LRRTM4: variants seen among roughly 807,000 people sequenced by gnomAD.
LRRTM4 encodes leucine rich repeat transmembrane neuronal 4.
Under a neutral mutation model 47.6 loss-of-function variants are expected in LRRTM4, and 25 were observed. That is an observed-to-expected ratio of 0.53 (90% CI 0.38 to 0.73). The LOEUF is 0.73. Ranked by LOEUF, LRRTM4 falls within the 30% of genes least tolerant of loss-of-function variation. The pLI is 0.00. For missense variants in LRRTM4, 638 were observed against 713.4 expected, an observed-to-expected ratio of 0.89 and a Z score of 1.20; for synonymous variants, 311 against 269.5, an observed-to-expected ratio of 1.15 and a Z score of -1.51.
chr2:77,060,064 C>T (rs10175781), intron 3 of LRRTM4, among the ~76,000 whole-genome samples: 42,015 of 152,080 alleles, frequency 0.28, 8,395 homozygotes, highest in African/African-American at 0.57. Context: ...GTGTGTCACC[C>T]ACGAACTAAG....
intron 3 of LRRTM4, among the ~76,000 whole-genome samples, chr2:76,921,765 T>C (rs1407754453): frequency 6.6e-6 from 1 of 152,114 alleles, no homozygotes; most frequent in East Asian, 1.9e-4. Flanking sequence ...TGGATGTTCT[T>C]ACTTTCTGGA....
chr2:77,315,329 C>T (rs1677588671), intron 3 of LRRTM4, among the ~76,000 whole-genome samples: 1 of 152,014 alleles, frequency 6.6e-6, no homozygotes, highest in African/African-American at 2.4e-5. Context: ...AGTGTTTGTT[C>T]ACAAGGAATA....
chr2:77,278,633 G>T (rs937146353), intron 3 of LRRTM4, among the ~76,000 whole-genome samples: 1 of 151,972 alleles, frequency 6.6e-6, no homozygotes, highest in African/African-American at 2.4e-5. Flanking sequence ...TCAAGGCATG[G>T]TTAAGTTAGA....
chr2:76,895,992 T>C (rs1673405731), intron 3 of LRRTM4, among the ~76,000 whole-genome samples: 1 of 152,086 alleles, frequency 6.6e-6, no homozygotes, highest in Admixed American at 6.6e-5. Context: ...CAGGTTTGTG[T>C]GCTACTGTGT....
At chr2:77,472,483 A>G (rs745489996) in intron 3 of LRRTM4, among the ~76,000 whole-genome samples, 1 of 152,098 alleles carries the variant, frequency 6.6e-6, no homozygotes, top group Admixed American at 6.6e-5. Context: ...CTTATAGAAC[A>G]TAACTACCAT....
intron 3 of LRRTM4, among the ~76,000 whole-genome samples, chr2:77,218,523 T>TTTAA (rs1324253610): frequency 6.6e-6 from 1 of 151,450 alleles, no homozygotes; most frequent in African/African-American, 2.4e-5. Flanking sequence ...TATTTATTTA[T>TTTAA]TTATTTATTT....
chr2:76,837,215 G>A (rs966726506), intron 3 of LRRTM4, among the ~76,000 whole-genome samples: 1 of 151,976 alleles, frequency 6.6e-6, no homozygotes, highest in Non-Finnish European at 1.5e-5. Context: ...TATTTCTGTG[G>A]GATCGGTGGT....
intron 3 of LRRTM4, among the ~76,000 whole-genome samples, chr2:77,167,788 A>T (rs1405071162): frequency 6.6e-6 from 1 of 151,914 alleles, no homozygotes; most frequent in African/African-American, 2.4e-5. Context: ...AACATCACAC[A>T]CTGGGCCTGT....
At chr2:77,506,365 T>A (rs1440391666) in intron 3 of LRRTM4, among the ~76,000 whole-genome samples, 2 of 151,632 alleles carry the variant, frequency 1.3e-5, no homozygotes, top group Admixed American at 6.6e-5. Flanking sequence ...ATACACAGGA[T>A]GAGAAAGGCA....
At chr2:77,362,653 A>G (rs1672286513) in intron 3 of LRRTM4, among the ~76,000 whole-genome samples, 1 of 152,156 alleles carries the variant, frequency 6.6e-6, no homozygotes, top group South Asian at 2.1e-4. Context: ...AAGCCCATCT[A>G]ATGGGAAGTA....
intron 3 of LRRTM4, among the ~76,000 whole-genome samples, chr2:77,114,372 G>A (rs997193301): frequency 3.9e-5 from 6 of 152,106 alleles, no homozygotes; most frequent in Non-Finnish European, 5.9e-5. Flanking sequence ...ATACCTCCTT[G>A]TTTTAACAGG....
At chr2:76,993,834 G>T (rs1176759437) in intron 3 of LRRTM4, among the ~76,000 whole-genome samples, 1 of 151,906 alleles carries the variant, frequency 6.6e-6, no homozygotes, top group African/African-American at 2.4e-5. Flanking sequence ...ATTCACAATA[G>T]GAAAGATATG....
At chr2:76,751,510 CAGAG>C (rs1200931597) in intron 3 of LRRTM4, among the ~76,000 whole-genome samples, 6 of 152,036 alleles carry the variant, frequency 3.9e-5, no homozygotes, top group African/African-American at 9.7e-5. Flanking sequence ...TCTGTGCTGA[CAGAG>C]AGAGCTAGGA....
At chr2:77,271,483 C>T (rs1305775703) in intron 3 of LRRTM4, among the ~76,000 whole-genome samples, 1 of 152,168 alleles carries the variant, frequency 6.6e-6, no homozygotes, top group African/African-American at 2.4e-5. Context: ...ATCCTGCACT[C>T]GCTCACTCAC....
chr2:77,468,964 T>A (rs1172964249), intron 3 of LRRTM4, among the ~76,000 whole-genome samples: 1 of 152,196 alleles, frequency 6.6e-6, no homozygotes, highest in Non-Finnish European at 1.5e-5. Flanking sequence ...TTTTACTACA[T>A]TTGTACTGAA....
At chr2:76,795,556 C>A (rs963096161) in intron 3 of LRRTM4, among the ~76,000 whole-genome samples, 1 of 150,546 alleles carries the variant, frequency 6.6e-6, no homozygotes, top group Non-Finnish European at 1.5e-5. Flanking sequence ...CATGTATATG[C>A]ATATATACAT....
intron 3 of LRRTM4, among the ~76,000 whole-genome samples, chr2:77,476,177 C>T (rs1677380085): frequency 6.6e-6 from 1 of 151,974 alleles, no homozygotes; most frequent in Non-Finnish European, 1.5e-5. Flanking sequence ...GATTCATAAA[C>T]CATGTGAGTT....
chr2:77,139,483 T>G (rs1672051589), intron 3 of LRRTM4, among the ~76,000 whole-genome samples: 1 of 152,128 alleles, frequency 6.6e-6, no homozygotes, highest in Admixed American at 6.5e-5. Flanking sequence ...TATCTCAAAA[T>G]AATAAGAGCT....
chr2:76,958,545 C>T (rs1675752410), intron 3 of LRRTM4, among the ~76,000 whole-genome samples: 1 of 151,724 alleles, frequency 6.6e-6, no homozygotes, highest in Non-Finnish European at 1.5e-5. Context: ...AAACAGCATC[C>T]ATTTCCATAC....
Sources: gnomAD v4.1 joint callset for allele counts (sites outside exome capture counted in the v4.1 genomes callset) on GRCh38, gnomAD v4.1.1 for gene constraint, MANE v1.5 for transcripts, NCBI Gene and HGNC (gene_info 2026-07-23, HGNC 2026-07-21) for gene names.